Variants in KLHL1 observed in about 807,000 individuals in gnomAD.
The protein encoded by KLHL1 is kelch like family member 1, also known as kelch-like protein 1.
In KLHL1, 47 loss-of-function variants were observed where a neutral mutation model predicts 77.7. The observed-to-expected ratio is 0.60, with a 90% CI of 0.48 to 0.77. KLHL1 has a LOEUF of 0.77. KLHL1 is among the 30% of genes least tolerant of loss of function. The probability of loss-of-function intolerance (pLI) is 0.00; values close to 1 mark genes in which losing one functional copy is unlikely to be tolerated. For missense variants in KLHL1, 925 were observed against 910.8 expected, an observed-to-expected ratio of 1.02 and a Z score of -0.20; for synonymous variants, 360 against 325.2, an observed-to-expected ratio of 1.11 and a Z score of -1.15.
chr13:70,071,965 A>G (rs1887147759), intron 1 of KLHL1, among the ~76,000 whole-genome samples: 1 of 152,078 alleles, frequency 6.6e-6, no homozygotes, highest in African/African-American at 2.4e-5. Flanking sequence ...AAAATTCACA[A>G]CAGAAATCAA....
intron 1 of KLHL1, among the ~76,000 whole-genome samples, chr13:69,976,021 T>A (rs945421210): frequency 6.6e-6 from 1 of 152,104 alleles, no homozygotes; most frequent in African/African-American, 2.4e-5. Context: ...AATGGAAAAG[T>A]TCTTTAAAAG....
intron 7 of KLHL1, among the ~76,000 whole-genome samples, chr13:69,775,367 T>C (rs1053887628): frequency 6.6e-6 from 1 of 152,200 alleles, no homozygotes; most frequent in Admixed American, 6.5e-5. Context: ...CATCTATTAA[T>C]ATAATAATAT....
At chr13:70,057,644 C>T (rs1443218329) in intron 1 of KLHL1, among the ~76,000 whole-genome samples, 2 of 149,796 alleles carry the variant, frequency 1.3e-5, no homozygotes, top group East Asian at 2.0e-4. Context: ...GGTGCGGTGG[C>T]GGGCGCCTGT....
chr13:69,909,052 A>G (rs959717189), intron 4 of KLHL1, among the ~76,000 whole-genome samples: 1 of 149,708 alleles, frequency 6.7e-6, no homozygotes, highest in Non-Finnish European at 1.5e-5. Context: ...TTTACCTCAT[A>G]TATTTAGTAT....
chr13:69,900,347 C>T (rs1412781408), intron 4 of KLHL1, among the ~76,000 whole-genome samples: 2 of 152,130 alleles, frequency 1.3e-5, no homozygotes, highest in Admixed American at 6.5e-5. Context: ...GAATATACCT[C>T]AATGCATGCT....
At chr13:69,961,102 T>C (rs1370110021) in intron 3 of KLHL1, among the ~76,000 whole-genome samples, 2 of 152,042 alleles carry the variant, frequency 1.3e-5, no homozygotes, top group Non-Finnish European at 2.9e-5. Context: ...TTTAAATCAT[T>C]TGTGGAAGAA....
intron 1 of KLHL1, among the ~76,000 whole-genome samples, chr13:70,096,540 TTTGA>T (rs1386876113): frequency 3.3e-5 from 5 of 152,068 alleles, no homozygotes; most frequent in African/African-American, 1.2e-4. Context: ...GTTAGATTAA[TTTGA>T]TTATTAATAT....
chr13:69,940,792 C>CAAA (rs374717086), intron 3 of KLHL1, among the ~76,000 whole-genome samples: 9 of 67,698 alleles, frequency 1.3e-4, no homozygotes, highest in African/African-American at 2.7e-4. Flanking sequence ...ATCTTAAAGG[C>CAAA]AAAAAAAAAA....
chr13:69,738,871 G>A (rs965010182), intron 8 of KLHL1, among the ~76,000 whole-genome samples: 6 of 152,042 alleles, frequency 3.9e-5, no homozygotes, highest in Admixed American at 1.3e-4. Flanking sequence ...ACCAAGACAG[G>A]CCAAAATCCA....
intron 1 of KLHL1, among the ~76,000 whole-genome samples, chr13:70,010,967 T>C (rs1885521584): frequency 6.6e-6 from 1 of 151,910 alleles, no homozygotes; most frequent in African/African-American, 2.4e-5. Context: ...AATGGAGATG[T>C]CAGTTAGGCT....
At chr13:70,045,575 A>AACACAC (rs35057277) in intron 1 of KLHL1, among the ~76,000 whole-genome samples, 4 of 150,586 alleles carry the variant, frequency 2.7e-5, no homozygotes, top group Admixed American at 6.6e-5. Flanking sequence ...AAAAACACAC[A>AACACAC]ACACACACAC....
intron 1 of KLHL1, among the ~76,000 whole-genome samples, chr13:70,069,433 T>C (rs577881632): frequency 2.6e-5 from 4 of 152,112 alleles, no homozygotes; most frequent in Non-Finnish European, 5.9e-5. Flanking sequence ...GTATGTCTTT[T>C]AACAAAAAAT....
At chr13:70,051,218 A>G (rs985204375) in intron 1 of KLHL1, among the ~76,000 whole-genome samples, 12 of 152,052 alleles carry the variant, frequency 7.9e-5, no homozygotes, top group African/African-American at 2.7e-4. Flanking sequence ...TTGAGATTTT[A>G]TGAAATTTTA....
At chr13:70,013,905 C>A (rs1885597542) in intron 1 of KLHL1, among the ~76,000 whole-genome samples, 1 of 152,068 alleles carries the variant, frequency 6.6e-6, no homozygotes, top group Admixed American at 6.6e-5. Context: ...GCAGTGATTT[C>A]TGATTATTTT....
At chr13:69,800,519 T>C (rs889165767) in intron 6 of KLHL1, among the ~76,000 whole-genome samples, 2 of 152,210 alleles carry the variant, frequency 1.3e-5, no homozygotes, top group Non-Finnish European at 2.9e-5. Context: ...GCCAATACAA[T>C]TGATTTTCTT....
chr13:69,984,952 A>G (rs555686599), intron 1 of KLHL1, among the ~76,000 whole-genome samples: 56 of 152,202 alleles, frequency 3.7e-4, no homozygotes, highest in Non-Finnish European at 6.5e-4. Context: ...CTACTAAAAA[A>G]ATAGAAAAAT....
intron 8 of KLHL1, among the ~76,000 whole-genome samples, chr13:69,733,978 A>G (rs1873663708): frequency 6.6e-6 from 1 of 152,140 alleles, no homozygotes; most frequent in Non-Finnish European, 1.5e-5. Flanking sequence ...AGTGTAGGAG[A>G]ATGAATAAAT....
intron 6 of KLHL1, among the ~76,000 whole-genome samples, chr13:69,832,352 G>T (rs2138096490): frequency 6.7e-6 from 1 of 149,702 alleles, no homozygotes; most frequent in Admixed American, 6.7e-5. Context: ...TTTTAAAATA[G>T]CTGCCAAAAA....
intron 1 of KLHL1, among the ~76,000 whole-genome samples, chr13:70,057,009 T>G (rs1447066203): frequency 6.8e-6 from 1 of 147,494 alleles, no homozygotes; most frequent in Non-Finnish European, 1.5e-5. Flanking sequence ...AAAAAAAAAT[T>G]GAAAAGTTCG....
Sources: gnomAD v4.1 joint callset for allele counts (sites outside exome capture counted in the v4.1 genomes callset) on GRCh38, gnomAD v4.1.1 for gene constraint, MANE v1.5 for transcripts, NCBI Gene and HGNC (gene_info 2026-07-23, HGNC 2026-07-21) for gene names.